The following METTL15 variants were observed in gnomAD, a reference collection of about 807,000 sequenced individuals.
The protein encoded by METTL15 is methyltransferase 15, mitochondrial 12S rRNA N4-cytidine, also known as 12S rRNA N(4)-cytidine methyltransferase METTL15.
A neutral mutation model predicts 38.3 loss-of-function variants in METTL15; 34 were observed. The observed-to-expected ratio is 0.89, with a 90% CI of 0.68 to 1.18. The LOEUF (loss-of-function observed/expected upper bound fraction) is 1.18, where lower values mean the gene tolerates loss of function less well. Among genes scored for constraint, METTL15 ranks in the 50% most tolerant of loss-of-function variants. The pLI is 0.00. For synonymous variants in METTL15, 162 were observed against 170.9 expected (o/e 0.95, Z 0.41); for missense variants, 438 against 498.4 (o/e 0.88, Z 1.15).
chr11:28,275,304 A>G (rs1316092583), intron 4 of METTL15, among the ~76,000 whole-genome samples: 2 of 151,886 alleles, frequency 1.3e-5, no homozygotes, highest in African/African-American at 2.4e-5. Flanking sequence ...AGAAATAAAA[A>G]AAGATCATTA....
At chr11:28,353,399 T>A (rs1850058950) in intron 4 of METTL15, among the ~76,000 whole-genome samples, 2 of 152,172 alleles carry the variant, frequency 1.3e-5, no homozygotes, top group Admixed American at 1.3e-4. Context: ...GCATCAAAAT[T>A]TCGAAGGGTG....
chr11:28,330,337 C>A (rs959893715), intron 6 of METTL15, 59 bp from the exon 7 acceptor site: 2 of 1,375,852 alleles, frequency 1.5e-6, no homozygotes, highest in African/African-American at 1.5e-5. Context: ...ATTAGATTTA[C>A]AGTGAAAAAT....
intron 3 of METTL15, among the ~76,000 whole-genome samples, chr11:28,131,557 T>C: frequency 6.6e-6 from 1 of 152,062 alleles, no homozygotes; most frequent in African/African-American, 2.4e-5. Context: ...TGCCTGATAT[T>C]TCTCAGGTAA....
intron 5 of METTL15, among the ~76,000 whole-genome samples, chr11:28,377,981 C>T: frequency 6.6e-6 from 1 of 152,108 alleles, no homozygotes; most frequent in Non-Finnish European, 1.5e-5. Flanking sequence ...GGTCAGGGGT[C>T]AGGGACCCAC....
At chr11:28,381,064 C>T (rs1053138187) in intron 5 of METTL15, among the ~76,000 whole-genome samples, 2 of 152,152 alleles carry the variant, frequency 1.3e-5, no homozygotes, top group Non-Finnish European at 2.9e-5. Context: ...GTTCATAGCT[C>T]ACTGAAGCCT....
At chr11:28,261,464 T>G (rs1390143479) in intron 4 of METTL15, 1 of 156,494 alleles carries the variant, frequency 6.4e-6, no homozygotes, top group Non-Finnish European at 1.5e-5. Flanking sequence ...ATCAGCTGAA[T>G]CAACTCTGGT....
At position 28,443,209 on chromosome 11, in the gene METTL15, C is replaced by T. The variant is rs947689694; in HGVS notation, c.*424+18845C>T. On this transcript the variant is annotated intron_variant and NMD_transcript_variant, in intron 6 of 7. Transcript: ENST00000532947. ...CATGTAACAATCAATCACTGCTTAA[C>T]CTAGCAGCATCTTTTGACATCACTG... 9.2e-5 allele frequency among the ~76,000 whole-genome samples: 14 copies of T among 152,318 alleles called. No individual in the cohort carries two copies. In the East Asian group the frequency reaches 2.7e-3, roughly 29 times the overall value.
intron 4 of METTL15, among the ~76,000 whole-genome samples, chr11:28,236,139 G>A (rs1853956104): frequency 6.6e-6 from 1 of 152,120 alleles, no homozygotes; most frequent in African/African-American, 2.4e-5. Context: ...AACCAGCCTT[G>A]CATCCCAGGG....
At chr11:28,423,583 A>G (rs1360434838) in intron 5 of METTL15, among the ~76,000 whole-genome samples, 2 of 152,144 alleles carry the variant, frequency 1.3e-5, no homozygotes, top group Non-Finnish European at 2.9e-5. Flanking sequence ...TATTATGTTA[A>G]GTGAAATAAT....
chr11:28,393,090 C>T (rs1456254376), intron 5 of METTL15, among the ~76,000 whole-genome samples: 3 of 152,016 alleles, frequency 2.0e-5, no homozygotes, highest in African/African-American at 4.8e-5. Context: ...TAAAATGGTG[C>T]AGCCATTATG....
chr11:28,420,740 A>G (rs796650174), intron 5 of METTL15, among the ~76,000 whole-genome samples: 15 of 152,162 alleles, frequency 9.9e-5, no homozygotes, highest in African/African-American at 3.4e-4. Context: ...TGAAGTTTAT[A>G]GCTATAAGTG....
intron 5 of METTL15, among the ~76,000 whole-genome samples, chr11:28,384,170 A>G (rs920518580): frequency 4.6e-5 from 7 of 152,152 alleles, no homozygotes; most frequent in Non-Finnish European, 1.0e-4. Flanking sequence ...AAAGTATTCC[A>G]TGGTGTATAT....
chr11:28,158,093 C>A (rs1850326456), intron 3 of METTL15, among the ~76,000 whole-genome samples: 4 of 152,110 alleles, frequency 2.6e-5, no homozygotes, highest in Admixed American at 2.6e-4. Flanking sequence ...AGTGGCTTGG[C>A]TGGATGGTCC....
At chr11:28,212,011 T>G (rs1852661698) in intron 4 of METTL15, among the ~76,000 whole-genome samples, 1 of 151,988 alleles carries the variant, frequency 6.6e-6, no homozygotes, top group Non-Finnish European at 1.5e-5. Flanking sequence ...GGACTAGAGT[T>G]TTTACTAGTT....
intron 4 of METTL15, among the ~76,000 whole-genome samples, chr11:28,288,929 C>T: frequency 6.6e-6 from 1 of 152,220 alleles, no homozygotes; most frequent in Admixed American, 6.5e-5. Flanking sequence ...CCCTCTCTCA[C>T]CAATGGTATA....
At chr11:28,216,965 T>G (rs1024979731) in intron 4 of METTL15, among the ~76,000 whole-genome samples, 4 of 152,154 alleles carry the variant, frequency 2.6e-5, no homozygotes, top group South Asian at 2.1e-4. Flanking sequence ...CTATCATTGA[T>G]GGACATTTGG....
chr11:28,145,284 C>T (rs1425954906), intron 3 of METTL15: 2 of 151,692 alleles, frequency 1.3e-5, no homozygotes, highest in East Asian at 3.9e-4. Context: ...TTATTGCTAC[C>T]TTCATCTCTT....
chr11:28,382,619 A>G (rs1019940471), intron 5 of METTL15, among the ~76,000 whole-genome samples: 2 of 152,030 alleles, frequency 1.3e-5, no homozygotes, highest in Non-Finnish European at 2.9e-5. Flanking sequence ...AGATCACCTG[A>G]GGTTAGGAGT....
chr11:28,287,501 G>T (rs1856326866), intron 4 of METTL15: 1 of 366,146 alleles, frequency 2.7e-6, no homozygotes, highest in Admixed American at 3.3e-5. Context: ...TAATCATGCT[G>T]CATCATCACA....
Sources: gnomAD v4.1 joint callset for allele counts (sites outside exome capture counted in the v4.1 genomes callset) on GRCh38, gnomAD v4.1.1 for gene constraint, MANE v1.5 for transcripts, NCBI Gene and HGNC (gene_info 2026-07-23, HGNC 2026-07-21) for gene names.